The following ATAD2B variants were observed in gnomAD, a reference collection of about 807,000 sequenced individuals.
The protein encoded by ATAD2B is ATPase family AAA domain-containing protein 2B.
Under a neutral mutation model 167.6 loss-of-function variants are expected in ATAD2B, and 40 were observed. The ratio of observed to expected loss-of-function variants is 0.24; its 90% confidence interval spans 0.19 to 0.31. The LOEUF is 0.31. Ranked by LOEUF, ATAD2B falls within the 10% of genes least tolerant of loss-of-function variation. ATAD2B has a pLI of 1.00. For synonymous variants in ATAD2B, 579 were observed against 596.5 expected (o/e 0.97, Z 0.43); for missense variants, 1,242 against 1,757.2 (o/e 0.71, Z 5.24).
At chr2:23,845,550 C>G (rs899161823) in intron 13 of ATAD2B, among the ~76,000 whole-genome samples, 1 of 143,834 alleles carries the variant, frequency 7.0e-6, no homozygotes, top group Admixed American at 7.0e-5. Flanking sequence ...AAGGAATTTA[C>G]TGTAAATGGG....
chr2:23,849,854 T>C (rs1208980048), intron 13 of ATAD2B, among the ~76,000 whole-genome samples: 1 of 151,994 alleles, frequency 6.6e-6, no homozygotes, highest in Non-Finnish European at 1.5e-5. Flanking sequence ...CAAAAGAGTC[T>C]GCTTAACACT....
chr2:23,763,858 C>T (rs1677066074), intron 23 of ATAD2B, among the ~76,000 whole-genome samples: 1 of 152,194 alleles, frequency 6.6e-6, no homozygotes, highest in Non-Finnish European at 1.5e-5. Flanking sequence ...ACCCAAAATG[C>T]TGGGATTACA....
Position 23,926,558 on chromosome 2 carries a change from G to A in ATAD2B, c.213C>T (p.Ala71=), listed in dbSNP as rs1174115809. The A allele has an allele frequency of 1.6e-5, 25 of 1,550,004 alleles. No individual in the cohort carries two copies. The highest frequency in any genetic ancestry group is 2.1e-5 in the Non-Finnish European group (24 of 1,149,080). ...ACTCGGGACGCCGCGCTCTTACCCT[G>A]GCCTCATCCAGAGTGACGCCGGCGC... ...SGGAGVTLDE[A]RKVEVDGSLS... is the part of the protein sequence containing the mutation. The change falls in exon 1 of 28, where the codon GCC becomes GCT. Residue 71 remains alanine (A), a synonymous_variant. Transcript: ENST00000238789.
chr2:23,753,619 A>G (rs183310225), intron 27 of ATAD2B, among the ~76,000 whole-genome samples: 10 of 152,320 alleles, frequency 6.6e-5, no homozygotes, highest in Non-Finnish European at 1.2e-4. Flanking sequence ...AGTTGTCTAG[A>G]AAGGGAATGT....
chr2:23,782,068 C>T (rs566243894), intron 22 of ATAD2B, among the ~76,000 whole-genome samples: 8 of 152,322 alleles, frequency 5.3e-5, no homozygotes, highest in Middle Eastern at 3.4e-3. Context: ...CCATTCACCC[C>T]GGCCTCCCAA....
chr2:23,907,148 T>C (rs1413691737), intron 1 of ATAD2B, among the ~76,000 whole-genome samples: 3 of 151,590 alleles, frequency 2.0e-5, no homozygotes, highest in African/African-American at 4.8e-5. Flanking sequence ...AAATAAAGGG[T>C]ATTCAATTAG....
chr2:23,796,107 T>C (rs1382015390), intron 19 of ATAD2B, among the ~76,000 whole-genome samples: 1 of 152,120 alleles, frequency 6.6e-6, no homozygotes, highest in Non-Finnish European at 1.5e-5. Flanking sequence ...TGTTAAGACT[T>C]GGGAACAGAG....
At chr2:23,741,915 AAAG>A in the ATAD2B span, among the ~76,000 whole-genome samples, 1 of 152,258 alleles carries the variant, frequency 6.6e-6, no homozygotes, top group Non-Finnish European at 1.5e-5. Context: ...ACACTTCTCA[AAAG>A]AAGACATTTA....
chr2:23,862,593 G>A (rs1694567306), intron 12 of ATAD2B, among the ~76,000 whole-genome samples: 2 of 151,916 alleles, frequency 1.3e-5, no homozygotes, highest in Admixed American at 6.6e-5. Flanking sequence ...TTCTTAAAAC[G>A]TATAGGAAAT....
At chr2:23,732,485 A>G in the ATAD2B span, among the ~76,000 whole-genome samples, 2 of 152,216 alleles carry the variant, frequency 1.3e-5, no homozygotes, top group Non-Finnish European at 2.9e-5. Flanking sequence ...ATTGTCTAAC[A>G]ATGTTATTTT....
intron 15 of ATAD2B, among the ~76,000 whole-genome samples, chr2:23,825,756 A>G (rs1374739903): frequency 6.8e-6 from 1 of 146,874 alleles, no homozygotes; most frequent in Non-Finnish European, 1.5e-5. Context: ...TTTAAGTGCA[A>G]AAGCCTAAGT....
the ATAD2B span, among the ~76,000 whole-genome samples, chr2:23,710,369 G>C: frequency 6.6e-6 from 1 of 152,198 alleles, no homozygotes; most frequent in Non-Finnish European, 1.5e-5. Flanking sequence ...TTGTGAGGTA[G>C]TAACATCTTT....
the ATAD2B span, chr2:23,691,776 G>C: frequency 5.8e-6 from 9 of 1,551,720 alleles, no homozygotes; most frequent in Non-Finnish European, 7.8e-6. Context: ...TTGTCTACAC[G>C]GGCTCCCTGG....
chr2:23,721,897 G>A, the ATAD2B span, among the ~76,000 whole-genome samples: 1 of 152,264 alleles, frequency 6.6e-6, no homozygotes, highest in African/African-American at 2.4e-5. Flanking sequence ...AATCTGAGAA[G>A]CAGGCTGGTG....
chr2:23,728,601 G>C, the ATAD2B span, among the ~76,000 whole-genome samples: 2 of 152,198 alleles, frequency 1.3e-5, no homozygotes, highest in Non-Finnish European at 2.9e-5. Context: ...TGGAAAGGGA[G>C]ATTAAGCCAA....
At chr2:23,745,402 AAGGAAGGAAGGAAGG>A (rs1436735445), downstream of ATAD2B, among the ~76,000 whole-genome samples, 11 of 115,342 alleles carry the variant, frequency 9.5e-5, no homozygotes, top group Non-Finnish European at 1.9e-4. Context: ...GGAAGGAAGG[AAGGAAGGAAGGAAGG>A]AAGGAAAGGG....
intron 23 of ATAD2B, 87 bp from the exon 24 acceptor site, chr2:23,762,433 T>C (rs1676866826): frequency 3.6e-6 from 5 of 1,401,340 alleles, no homozygotes; most frequent in Non-Finnish European, 4.8e-6. Flanking sequence ...AATACAAAAC[T>C]GAGTTTTAAA....
At chr2:23,852,893 T>A in intron 13 of ATAD2B, among the ~76,000 whole-genome samples, 1 of 149,412 alleles carries the variant, frequency 6.7e-6, no homozygotes, top group East Asian at 1.9e-4. Context: ...CACTCCAGCA[T>A]GGGCGACAGA....
chr2:23,786,292 CA>C, intron 20 of ATAD2B, 69 bp from the exon 21 acceptor site: 1 of 1,262,926 alleles, frequency 7.9e-7, no homozygotes, highest in African/African-American at 1.5e-5. Context: ...GGCATTCTCT[CA>C]AAATGTTCTT....
Sources: gnomAD v4.1 joint callset for allele counts (sites outside exome capture counted in the v4.1 genomes callset) on GRCh38, gnomAD v4.1.1 for gene constraint, MANE v1.5 for transcripts, NCBI Gene and HGNC (gene_info 2026-07-23, HGNC 2026-07-21) for gene names.